LCMT1: variants seen among roughly 807,000 people sequenced by gnomAD.
The protein encoded by LCMT1 is leucine carboxyl methyltransferase 1, also known as [Phosphatase 2A protein]-leucine-carboxy methyltransferase 1.
Under a neutral mutation model 47.7 loss-of-function variants are expected in LCMT1, and 32 were observed. The ratio of observed to expected loss-of-function variants is 0.67; its 90% CI spans 0.51 to 0.90. The LOEUF (loss-of-function observed/expected upper bound fraction) is 0.90, where lower values mean the gene tolerates loss of function less well. LCMT1 is among the 40% of genes least tolerant of loss of function. LCMT1 has a pLI of 0.00. For missense variants in LCMT1, 375 were observed against 415.2 expected (o/e 0.90, Z 0.84); for synonymous variants, 152 against 149.7 (o/e 1.02, Z -0.11).
rs374943166 is a variant in LCMT1, at chr16:25,111,933, C to G, written c.50C>G (p.Ser17Trp). The change falls in exon 1 of 11, where the codon TCG becomes TGG. Residue 17 changes from serine to tryptophan, a missense_variant. Transcript: ENST00000399069. ...ESSITSCCST[S>W]SCDADDEGVR... is the part of the protein sequence containing the mutation. ...TCTATCACCTCCTGCTGTTCCACCT[C>G]GAGCTGCGACGCAGACGACGAGGGC... 5.6e-6 allele frequency: 9 copies of G among 1,613,514 alleles called. No individual in the cohort carries two copies. The highest frequency in any genetic ancestry group is 7.6e-6 in the Non-Finnish European group (9 of 1,179,778).
Position 25,126,025 on chromosome 16 carries a change from T to C in LCMT1, c.114-2450T>C, listed in dbSNP as rs753026909. The C allele has an allele frequency of 3.0e-5, 40 of 1,350,934 alleles. No homozygotes were observed. In the South Asian group the frequency reaches 4.2e-4, roughly 14 times the overall value. 83.7% of individuals were successfully genotyped at this position (1,350,934 alleles called of 1,614,324 possible). On this transcript the variant is annotated intron_variant, in intron 1 of 10. Coordinates refer to ENST00000399069, the MANE Select transcript of LCMT1 (RefSeq NM_016309.3). ...TCACTGCCCAACACTGGGTGGCAAA[T>C]CTTTTCATCTTGGCCACTCTGATAG...
intron 4 of LCMT1, chr16:25,147,276 A>G (rs1960890425): frequency 1.3e-5 from 2 of 152,266 alleles, no homozygotes; most frequent in Non-Finnish European, 2.9e-5. Context: ...TGAGGGGAAA[A>G]CAGCCCTGGG....
At position 25,111,995 on chromosome 16, in the gene LCMT1, A is replaced by G; in HGVS notation, c.112A>G (p.Arg38Gly). ...CTGCGAAGATGCTTCCCTGTGCAAG[A>G]GGTGCCTGTCGGGCGCGGGGTTCGG... The part of the protein sequence containing the change: ...GTCEDASLCK[R>G]FAVSIGYWHD... Residue 38 changes from arginine to glycine, a missense_variant and splice_region_variant, in exon 1 of 11, where the codon AGG becomes GGG. By Grantham distance (125) the Arg-to-Gly change is moderately radical (BLOSUM62 -2). Coordinates refer to ENST00000399069, the MANE Select transcript of LCMT1 (RefSeq NM_016309.3). 1 of 1,611,158 alleles carries G rather than the reference A, an allele frequency of 6.2e-7. No individual in the cohort carries two copies. Among genetic ancestry groups the G allele is most frequent in the Non-Finnish European group, 8.5e-7 (1 of 1,177,890 alleles).
intron 5 of LCMT1, among the ~76,000 whole-genome samples, chr16:25,159,564 A>C (rs7190723): frequency 0.99 from 151,425 of 152,322 alleles, 75,274 homozygotes; most frequent in Middle Eastern, 1. Context: ...CCGCACCCAG[A>C]TACATGCCAT....
Position 25,138,193 on chromosome 16 carries a change from C to T in LCMT1, c.328-1978C>T, listed in dbSNP as rs539990825. Among the ~76,000 whole-genome samples the T allele has an allele frequency of 1.1e-4, 16 of 152,200 alleles. No homozygotes were observed. In the South Asian group the frequency reaches 3.1e-3, roughly 30 times the overall value. ...GAGGGGGAGAGGCTGGGCAGGTGGG[C>T]CAGGCTATAGAGTGCCTTGTTTCTT... On this transcript the variant is annotated intron_variant, in intron 3 of 10. Transcript: ENST00000399069.
intron 4 of LCMT1, chr16:25,143,952 G>A (rs529822428): frequency 6.6e-6 from 1 of 152,412 alleles, no homozygotes; most frequent in South Asian, 2.1e-4. Context: ...TCTTGCTCTT[G>A]TTGTGAGTAT....
Position 25,138,799 on chromosome 16 carries a change from T to C in LCMT1, c.328-1372T>C, listed in dbSNP as rs146611856. Among the ~76,000 whole-genome samples the C allele has an allele frequency of 2.2e-3, 338 of 152,308 alleles. 3 individuals are homozygous for C. Among genetic ancestry groups the C allele is most frequent in the African/African-American group, 7.7e-3 (319 of 41,578 alleles). ...AACGCAGTATACCTTCCCTTATTGT[T>C]ACAGCTCACAAGCTCTTTGGATCCC... On this transcript the variant is annotated intron_variant, in intron 3 of 10. Coordinates refer to ENST00000399069, the MANE Select transcript of LCMT1 (RefSeq NM_016309.3).
rs1166487087 is a variant in LCMT1 at position 25,169,172 on chromosome 16, G to T, written c.751G>T (p.Asp251Tyr). 1.9e-6 allele frequency: 3 copies of T among 1,613,444 alleles called. No homozygotes were observed. Among genetic ancestry groups the T allele is most frequent in the South Asian group, 2.2e-5 (2 of 91,038 alleles). Residue 251 changes from aspartate (D) to tyrosine (Y), a missense_variant, in exon 8 of 11, where the codon GAC becomes TAC. Transcript: ENST00000399069. The part of the protein sequence containing the change: ...MIENLRRRQC[D>Y]LAGVETCKSL... ...TGAAAACCTGCGGAGACGCCAGTGT[G>T]ACCTGGCGGGAGTGGAGACCTGCAA...
intron 4 of LCMT1, 103 bp from the exon 5 acceptor site, chr16:25,151,451 G>A (rs1433939172): frequency 2.2e-5 from 20 of 928,472 alleles, no homozygotes; most frequent in Non-Finnish European, 3.2e-5. Context: ...ATATATATTT[G>A]CCATTTTGGT....
intron 9 of LCMT1, among the ~76,000 whole-genome samples, chr16:25,171,012 C>T (rs1215123664): frequency 6.6e-6 from 1 of 152,168 alleles, no homozygotes; most frequent in African/African-American, 2.4e-5. Flanking sequence ...GGGCAGATCA[C>T]TTGAGGTCAG....
intron 1 of LCMT1, among the ~76,000 whole-genome samples, chr16:25,122,726 G>A (rs947485814): frequency 1.3e-5 from 2 of 152,140 alleles, no homozygotes; most frequent in African/African-American, 4.8e-5. Context: ...GTTATCCTGT[G>A]CCTCTGCTTT....
At chr16:25,150,053 A>C (rs1357596535) in intron 4 of LCMT1, among the ~76,000 whole-genome samples, 2 of 152,212 alleles carry the variant, frequency 1.3e-5, no homozygotes, top group South Asian at 2.1e-4. Context: ...TTCCGAGTCT[A>C]GTATCAAGGA....
intron 7 of LCMT1, among the ~76,000 whole-genome samples, chr16:25,167,753 C>CTTAT (rs905085151): frequency 5.3e-5 from 8 of 151,946 alleles, no homozygotes; most frequent in South Asian, 2.1e-4. Context: ...CATATATTAA[C>CTTAT]TTATTTATTT....
intron 9 of LCMT1, among the ~76,000 whole-genome samples, chr16:25,172,308 CA>C (rs35753205): frequency 3.3e-3 from 417 of 125,584 alleles, no homozygotes; most frequent in African/African-American, 7.2e-3. Context: ...AACTCTGTCT[CA>C]AAAAAAAAAA....
At chr16:25,117,851 C>CAA (rs796928842) in intron 1 of LCMT1, among the ~76,000 whole-genome samples, 17 of 111,608 alleles carry the variant, frequency 1.5e-4, no homozygotes, top group South Asian at 2.8e-4. Context: ...GACTCCGTCT[C>CAA]AAAAAAAAAA....
At chr16:25,158,331 A>G (rs1306905285) in intron 5 of LCMT1, among the ~76,000 whole-genome samples, 3 of 152,164 alleles carry the variant, frequency 2.0e-5, no homozygotes, top group East Asian at 3.9e-4. Context: ...TTGTATTTTT[A>G]GTAGAGATTC....
At chr16:25,138,016 C>T (rs563756320) in intron 3 of LCMT1, among the ~76,000 whole-genome samples, 1 of 152,276 alleles carries the variant, frequency 6.6e-6, no homozygotes, top group South Asian at 2.1e-4. Flanking sequence ...GGTTCTCTTA[C>T]CTGCCCAGTT....
chr16:25,151,931 A>G (rs1057284257), intron 5 of LCMT1, among the ~76,000 whole-genome samples: 5 of 90,800 alleles, frequency 5.5e-5, no homozygotes, highest in African/African-American at 3.7e-5. Context: ...GTGAACATAC[A>G]TATTTAATAA....
At chr16:25,143,495 C>A (rs1371789936) in intron 4 of LCMT1, 1 of 152,194 alleles carries the variant, frequency 6.6e-6, no homozygotes, top group Non-Finnish European at 1.5e-5. Context: ...TGAGAAATTA[C>A]TTCCTTTAGT....
Sources: gnomAD v4.1 joint callset for allele counts (sites outside exome capture counted in the v4.1 genomes callset) on GRCh38, gnomAD v4.1.1 for gene constraint, MANE v1.5 for transcripts, NCBI Gene and HGNC (gene_info 2026-07-23, HGNC 2026-07-21) for gene names.